TRDN: variants seen among roughly 807,000 people sequenced by gnomAD.
TRDN encodes triadin, also known as triadin in skeletal muscle.
In TRDN, 161 loss-of-function variants were observed where a neutral mutation model predicts 149.7. The observed-to-expected ratio is 1.08, with a 90% confidence interval of 0.95 to 1.23. The LOEUF (loss-of-function observed/expected upper bound fraction) is 1.23. Among genes scored for constraint, TRDN ranks in the 50% most tolerant of loss-of-function variants. The probability of loss-of-function intolerance (pLI) is 0.00; values close to 1 mark genes in which losing one functional copy is unlikely to be tolerated. For synonymous variants in TRDN, 294 were observed against 250.5 expected, an observed-to-expected ratio of 1.17 and a Z score of -1.64; for missense variants, 896 against 823.5, an observed-to-expected ratio of 1.09 and a Z score of -1.08.
intron 24 of TRDN, among the ~76,000 whole-genome samples, chr6:123,282,713 C>G (rs1057268309): frequency 6.8e-6 from 1 of 146,744 alleles, no homozygotes; most frequent in Non-Finnish European, 1.5e-5. Context: ...TTAATTATGT[C>G]ACAGAAACTG....
chr6:123,572,510 T>C (rs1196654954), intron 1 of TRDN, among the ~76,000 whole-genome samples: 1 of 152,138 alleles, frequency 6.6e-6, no homozygotes, highest in Non-Finnish European at 1.5e-5. Flanking sequence ...CGTAGAAAGT[T>C]AAATCTAGAA....
chr6:123,293,836 A>G (rs955636984), intron 24 of TRDN, among the ~76,000 whole-genome samples: 2 of 152,140 alleles, frequency 1.3e-5, no homozygotes, highest in Non-Finnish European at 2.9e-5. Flanking sequence ...ATGAATGTAC[A>G]TTGGCCAGCG....
At chr6:123,540,662 G>A (rs1780784138) in intron 4 of TRDN, among the ~76,000 whole-genome samples, 1 of 152,150 alleles carries the variant, frequency 6.6e-6, no homozygotes, top group Non-Finnish European at 1.5e-5. Context: ...GGGACTACAA[G>A]CGCCCGCCAC....
At chr6:123,287,002 T>G (rs1306566637) in intron 24 of TRDN, among the ~76,000 whole-genome samples, 1 of 152,114 alleles carries the variant, frequency 6.6e-6, no homozygotes, top group Non-Finnish European at 1.5e-5. Context: ...AAATTATTGC[T>G]CTGAAGGGAT....
intron 10 of TRDN, among the ~76,000 whole-genome samples, chr6:123,458,372 CTT>C (rs953621363): frequency 6.6e-6 from 1 of 152,168 alleles, no homozygotes; most frequent in Non-Finnish European, 1.5e-5. Flanking sequence ...AAATCATAGA[CTT>C]TGAATAAAGC....
chr6:123,319,477 ATG>A (rs1359855477), intron 23 of TRDN, among the ~76,000 whole-genome samples: 1 of 152,024 alleles, frequency 6.6e-6, no homozygotes, highest in African/African-American at 2.4e-5. Context: ...ATATTTACAT[ATG>A]TGTGTATATA....
intron 24 of TRDN, among the ~76,000 whole-genome samples, chr6:123,296,019 A>G (rs2114659763): frequency 6.6e-6 from 1 of 152,150 alleles, no homozygotes; most frequent in South Asian, 2.1e-4. Flanking sequence ...TTAAAATTTT[A>G]TTAATTTAAA....
intron 4 of TRDN, among the ~76,000 whole-genome samples, chr6:123,542,577 A>G (rs1389602334): frequency 6.6e-6 from 1 of 152,174 alleles, no homozygotes; most frequent in Non-Finnish European, 1.5e-5. Context: ...ATATACAGAT[A>G]TATTATAGAT....
At chr6:123,616,132 C>T (rs1429378154) in intron 1 of TRDN, among the ~76,000 whole-genome samples, 1 of 152,118 alleles carries the variant, frequency 6.6e-6, no homozygotes, top group Non-Finnish European at 1.5e-5. Flanking sequence ...AGGAGGATCA[C>T]TTGAGGCTAG....
intron 1 of TRDN, among the ~76,000 whole-genome samples, chr6:123,620,225 G>A (rs939846531): frequency 2.2e-4 from 34 of 152,072 alleles, no homozygotes; most frequent in Admixed American, 1.6e-3. Flanking sequence ...AAACTTCAAC[G>A]TGTGTCAGAA....
intron 12 of TRDN, among the ~76,000 whole-genome samples, chr6:123,404,867 G>C (rs1302782994): frequency 2.0e-5 from 3 of 152,158 alleles, no homozygotes; most frequent in African/African-American, 7.2e-5. Context: ...TCCCTAAAAG[G>C]GAATTTCACC....
intron 9 of TRDN, among the ~76,000 whole-genome samples, chr6:123,473,782 C>T (rs927068391): frequency 1.8e-4 from 27 of 151,982 alleles, no homozygotes; most frequent in Non-Finnish European, 3.1e-4. Context: ...AGAGTAGGGG[C>T]CAATATTCAA....
chr6:123,363,871 T>C (rs1447276045), intron 20 of TRDN, among the ~76,000 whole-genome samples: 1 of 152,204 alleles, frequency 6.6e-6, no homozygotes, highest in African/African-American at 2.4e-5. Context: ...ATTTTGAGTT[T>C]GGCGTAGAGG....
At chr6:123,349,725 C>G in intron 21 of TRDN, 1 of 981,886 alleles carries the variant, frequency 1.0e-6, no homozygotes, top group Non-Finnish European at 1.2e-6. Context: ...GAAATCATTA[C>G]TCTTAGATAT....
intron 38 of TRDN, among the ~76,000 whole-genome samples, chr6:123,238,357 C>T (rs549624791): frequency 1.3e-5 from 2 of 152,250 alleles, no homozygotes; most frequent in East Asian, 3.9e-4. Flanking sequence ...TCATATTCCT[C>T]TCTTGTTTAG....
chr6:123,328,985 G>A (rs1779569054), intron 23 of TRDN, among the ~76,000 whole-genome samples: 1 of 151,962 alleles, frequency 6.6e-6, no homozygotes, highest in African/African-American at 2.4e-5. Flanking sequence ...ATATGGTTAC[G>A]GCTTTTAAAA....
At position 123,312,252 on chromosome 6, in the gene TRDN, C is replaced by A. The variant is rs565737928; in HGVS notation, c.1510+4205G>T. ...AAAAAGTTAGACAGAAATTACCATG[C>A]ATTCTGTAAAGTTATGCTTCTGACC... On this transcript the variant is annotated intron_variant, in intron 24 of 40. Coordinates refer to ENST00000334268, the MANE Select transcript of TRDN (RefSeq NM_006073.4). 2.0e-5 allele frequency among the ~76,000 whole-genome samples: 3 copies of A among 152,002 alleles called. No individual in the cohort carries two copies. The South Asian group carries it at 6.2e-4, about 32-fold the overall frequency.
At chr6:123,400,167 G>GTGTATATATATATATATATATA (rs1554232309) in intron 12 of TRDN, among the ~76,000 whole-genome samples, 6 of 123,394 alleles carry the variant, frequency 4.9e-5, no homozygotes, top group Admixed American at 2.6e-4. Flanking sequence ...ATATGTATGT[G>GTGTATATATATATATATATATA]TATATATATA....
chr6:123,492,194 T>C (rs1778251519), intron 9 of TRDN, among the ~76,000 whole-genome samples: 2 of 152,054 alleles, frequency 1.3e-5, no homozygotes, highest in African/African-American at 2.4e-5. Context: ...AAAAGCAGAA[T>C]AAATTACCGT....
Sources: allele counts gnomAD v4.1 joint callset (sites outside exome capture counted in the v4.1 genomes callset), GRCh38; gene constraint gnomAD v4.1.1; transcripts MANE v1.5; gene names NCBI Gene and HGNC (gene_info 2026-07-23, HGNC 2026-07-21).